Variants in ALG14 observed in about 807,000 individuals in gnomAD.
ALG14 encodes ALG14 UDP-N-acetylglucosaminyltransferase subunit.
In ALG14, 17 loss-of-function variants were observed where a neutral mutation model predicts 22.8. That is an observed-to-expected ratio of 0.75 (90% CI 0.51 to 1.12). The LOEUF is 1.12. Among genes scored for constraint, ALG14 ranks in the 50% most tolerant of loss-of-function variants. The pLI is 0.00. For synonymous variants in ALG14, 89 were observed against 103.7 expected, an observed-to-expected ratio of 0.86 and a Z score of 0.86; for missense variants, 288 against 271.8, an observed-to-expected ratio of 1.06 and a Z score of -0.42.
intron 3 of ALG14, among the ~76,000 whole-genome samples, chr1:94,991,235 G>A (rs925441673): frequency 6.6e-6 from 1 of 152,202 alleles, no homozygotes; most frequent in African/African-American, 2.4e-5. Context: ...CCAGTGAGTA[G>A]GCAGAAAATA....
chr1:95,036,877 C>T (rs1179055950), intron 2 of ALG14, among the ~76,000 whole-genome samples: 1 of 152,128 alleles, frequency 6.6e-6, no homozygotes, highest in African/African-American at 2.4e-5. Flanking sequence ...CACTGTGAAG[C>T]AAGGAGGGCT....
At chr1:95,037,026 TC>T (rs1462833302) in intron 2 of ALG14, among the ~76,000 whole-genome samples, 1 of 152,218 alleles carries the variant, frequency 6.6e-6, no homozygotes, top group Non-Finnish European at 1.5e-5. Flanking sequence ...CAGAAGCTTC[TC>T]CTTGCCTGGT....
intron 2 of ALG14, among the ~76,000 whole-genome samples, chr1:95,060,609 A>T (rs1157793000): frequency 6.6e-6 from 1 of 151,528 alleles, no homozygotes; most frequent in Non-Finnish European, 1.5e-5. Flanking sequence ...CCAGCTACTC[A>T]GGAGGCTGAG....
At chr1:95,071,239 G>A (rs1024237540) in intron 1 of ALG14, among the ~76,000 whole-genome samples, 2 of 152,144 alleles carry the variant, frequency 1.3e-5, no homozygotes, top group Admixed American at 1.3e-4. Flanking sequence ...TGGAGTAGCA[G>A]CAATTGCTTT....
chr1:95,042,751 G>A (rs373059395), intron 2 of ALG14, among the ~76,000 whole-genome samples: 115 of 152,274 alleles, frequency 7.6e-4, no homozygotes, highest in African/African-American at 2.7e-3. Flanking sequence ...TGTACATGAC[G>A]TGTCTTGTGA....
In ALG14 at chr1:94,975,948, C is replaced by A. The variant is rs954530930; in HGVS notation, c.*7128G>T. 2.2e-5 allele frequency: 3 copies of A among 137,838 alleles called. No individual in the cohort carries two copies. The highest frequency in any genetic ancestry group is 8.2e-5 in the African/African-American group (3 of 36,760). 8.5% of individuals were successfully genotyped at this position (137,838 alleles called of 1,614,324 possible). On this transcript the variant is annotated 3_prime_UTR_variant, in exon 4 of 4. Coordinates refer to ENST00000370205, the MANE Select transcript of ALG14 (RefSeq NM_144988.4). ...AGGACAATGGCGTGAACCCAGGAGG[C>A]GGAGCTTGCAGTGAGCCGAGATCGC...
Position 95,031,169 on chromosome 1 carries a change from T to C in ALG14, c.289-3909A>G, listed in dbSNP as rs1218916968. ...TACACTTGTTGTCTCAGCATAATTA[T>C]TGATAGTGCCCCATGCTCTCAGAAG... is the stretch of plus-strand genomic sequence containing the variant. On this transcript the variant is annotated intron_variant, in intron 2 of 3. Coordinates refer to ENST00000370205, the MANE Select transcript of ALG14 (RefSeq NM_144988.4). 2.0e-5 allele frequency among the ~76,000 whole-genome samples: 3 copies of C among 152,180 alleles called. No homozygotes were observed. The East Asian group carries it at 5.8e-4, about 29-fold the overall frequency.
At chr1:95,035,969 C>T (rs1557965950) in intron 2 of ALG14, 2 of 152,090 alleles carry the variant, frequency 1.3e-5, no homozygotes. Flanking sequence ...AAAAATAATG[C>T]AATGTATATT....
At chr1:95,026,502 G>A (rs955408334) in intron 3 of ALG14, among the ~76,000 whole-genome samples, 3 of 146,348 alleles carry the variant, frequency 2.0e-5, no homozygotes, top group African/African-American at 7.8e-5. Flanking sequence ...GTGTGTGTGT[G>A]TATGTGTGTG....
chr1:95,017,080 A>G (rs973109415), intron 3 of ALG14, among the ~76,000 whole-genome samples: 1 of 151,814 alleles, frequency 6.6e-6, no homozygotes, highest in African/African-American at 2.4e-5. Context: ...TGTGTCTGCT[A>G]TCGCCCAAGG....
At chr1:95,060,674 C>T (rs114116353) in intron 2 of ALG14, among the ~76,000 whole-genome samples, 2,941 of 151,696 alleles carry the variant, frequency 0.019, 51 homozygotes, top group Non-Finnish European at 0.029. Context: ...TGAGATCACA[C>T]GACTGCACTC....
chr1:95,000,660 G>A (rs1180952562), intron 3 of ALG14, among the ~76,000 whole-genome samples: 1 of 147,278 alleles, frequency 6.8e-6, no homozygotes, highest in Non-Finnish European at 1.5e-5. Flanking sequence ...TGCTTTCTTT[G>A]TTCAAATTAA....
rs1241873337 is a variant in ALG14, at chr1:94,979,540, A to C, written c.*3536T>G. 6.6e-6 allele frequency: 1 copy of C among 152,156 alleles called. No homozygotes were observed. The highest frequency in any genetic ancestry group is 1.5e-5 in the Non-Finnish European group (1 of 68,030). 9.4% of individuals were successfully genotyped at this position (152,156 alleles called of 1,614,324 possible). A position where few individuals can be genotyped will look rare whatever the true frequency, so the allele number is the denominator to read the frequency against. On this transcript the variant is annotated 3_prime_UTR_variant, in exon 4 of 4. Transcript: ENST00000370205. Reference sequence around the variant, plus strand: ...AGATATGAACTAAGTCAAAGGCAGAATCAATAGGTGATGACAAAGGAGAGG... The same window carrying C: ...AGATATGAACTAAGTCAAAGGCAGACTCAATAGGTGATGACAAAGGAGAGG...
chr1:95,032,354 TTGAACTGAATGGAATTCA>T (rs1374088304), intron 2 of ALG14, among the ~76,000 whole-genome samples: 1 of 152,058 alleles, frequency 6.6e-6, no homozygotes, highest in Non-Finnish European at 1.5e-5. Flanking sequence ...TTTAAATGGG[TTGAACTGAATGGAATTCA>T]TGAAGCTAGA....
At chr1:95,065,742 G>A (rs906931971) in intron 1 of ALG14, among the ~76,000 whole-genome samples, 1 of 152,200 alleles carries the variant, frequency 6.6e-6, no homozygotes, top group Non-Finnish European at 1.5e-5. Context: ...CAGCTCCTAT[G>A]AGAGGTCTCA....
At position 95,047,109 on chromosome 1, in the gene ALG14, A is replaced by G. The variant is rs181898980; in HGVS notation, c.288+17757T>C. 1.5e-4 allele frequency among the ~76,000 whole-genome samples: 23 copies of G among 152,356 alleles called. No individual in the cohort carries two copies. In the East Asian group the frequency reaches 3.1e-3, roughly 20 times the overall value. On this transcript the variant is annotated intron_variant, in intron 2 of 3. Transcript: ENST00000370205. ...AAATTTTTTTTAAAAGTTGCAGACA[A>G]TATATAGGATGTGATTTATAAACTA...
At chr1:94,986,881 C>T (rs1441278569) in intron 3 of ALG14, among the ~76,000 whole-genome samples, 1 of 151,882 alleles carries the variant, frequency 6.6e-6, no homozygotes, top group East Asian at 1.9e-4. Context: ...ACTCCACACC[C>T]AGCTGTAAGG....
rs1246026684 is a variant in ALG14 at position 94,978,155 on chromosome 1, C to G, written c.*4921G>C. The G allele has an allele frequency of 3.3e-5, 5 of 151,888 alleles. No homozygotes were observed. The highest frequency in any genetic ancestry group is 6.6e-5 in the Admixed American group (1 of 15,240). 9.4% of individuals were successfully genotyped at this position (151,888 alleles called of 1,614,324 possible). On this transcript the variant is annotated 3_prime_UTR_variant, in exon 4 of 4. Transcript: ENST00000370205. ...CTCAGTTCACTGCAACCTCCACCTC[C>G]CTGGTTCAAGCAATTATTTGCCTCA...
At chr1:95,052,857 G>GAAAAAAAAAAAAAAAAAGAAAAAA in intron 2 of ALG14, among the ~76,000 whole-genome samples, 1 of 119,494 alleles carries the variant, frequency 8.4e-6, no homozygotes, top group Non-Finnish European at 1.7e-5. Context: ...ACTGCATCTC[G>GAAAAAAAAAAAAAAAAAGAAAAAA]AAAAAAAAAA....
Sources: allele counts gnomAD v4.1 joint callset (sites outside exome capture counted in the v4.1 genomes callset), GRCh38; gene constraint gnomAD v4.1.1; transcripts MANE v1.5; gene names NCBI Gene and HGNC (gene_info 2026-07-23, HGNC 2026-07-21).